The following KANK1 variants were observed in gnomAD, a reference collection of about 807,000 sequenced individuals.
KANK1 encodes the protein KN motif and ankyrin repeat domain-containing protein 1.
KANK1 carries 109 observed loss-of-function variants against 106.2 expected under a neutral mutation model. The ratio of observed to expected loss-of-function variants is 1.03; its 90% confidence interval spans 0.88 to 1.20. The LOEUF (loss-of-function observed/expected upper bound fraction) is 1.20, where lower values mean the gene tolerates loss of function less well. KANK1 is among the 50% of genes most tolerant of loss of function. The pLI, the probability that KANK1 is intolerant of heterozygous loss-of-function variation, is 0.00. For synonymous variants in KANK1, 873 were observed against 652.2 expected, an observed-to-expected ratio of 1.34 and a Z score of -5.16; for missense variants, 2,399 against 1,710.7, an observed-to-expected ratio of 1.40 and a Z score of -7.10.
intron 2 of KANK1, among the ~76,000 whole-genome samples, chr9:679,883 C>G (rs988079463): frequency 2.0e-5 from 3 of 152,022 alleles, no homozygotes; most frequent in African/African-American, 7.3e-5. Context: ...TTTACCTTTT[C>G]CCACTTTGTA....
intron 1 of KANK1, among the ~76,000 whole-genome samples, chr9:597,992 G>A: frequency 6.6e-6 from 1 of 151,620 alleles, no homozygotes; most frequent in Non-Finnish European, 1.5e-5. Flanking sequence ...AAGAAGTTAT[G>A]CTTTTATTTT....
intron 1 of KANK1, among the ~76,000 whole-genome samples, chr9:647,057 G>C (rs541002533): frequency 9.3e-5 from 14 of 150,944 alleles, no homozygotes; most frequent in Non-Finnish European, 1.9e-4. Context: ...TGAGTTACTA[G>C]GCCTTCCAGA....
At chr9:579,647 G>A (rs543629048) in intron 1 of KANK1, among the ~76,000 whole-genome samples, 2 of 152,246 alleles carry the variant, frequency 1.3e-5, no homozygotes, top group East Asian at 3.9e-4. Flanking sequence ...CATGGTGGGG[G>A]AGGTAGGTGG....
At position 486,847 on chromosome 9, in the gene KANK1, C is replaced by T. The variant is rs141875871; in HGVS notation, c.-362+13574C>T. 9.2e-3 allele frequency among the ~76,000 whole-genome samples: 1,394 copies of T among 152,270 alleles called. 19 individuals are homozygous for T. Among genetic ancestry groups the T allele is most frequent in the Middle Eastern group, 0.037 (11 of 294 alleles). ...TCATAAACTTCTGTGCTTCTTACAA[C>T]TTTGTTCTGCTCTTCTAAACACAGT... On this transcript the variant is annotated intron_variant, in intron 3 of 15. Coordinates refer to the KANK1 transcript ENST00000382303.
intron 1 of KANK1, among the ~76,000 whole-genome samples, chr9:541,826 A>C (rs1156832817): frequency 2.0e-5 from 3 of 152,218 alleles, no homozygotes; most frequent in Non-Finnish European, 4.4e-5. Flanking sequence ...GCGGTGGCTC[A>C]CGCCTGTAAT....
chr9:636,956 G>T (rs1357053372), intron 1 of KANK1, among the ~76,000 whole-genome samples: 3 of 152,194 alleles, frequency 2.0e-5, no homozygotes, highest in Non-Finnish European at 4.4e-5. Flanking sequence ...AGCCACTTTA[G>T]ACTTTGCCAG....
intron 1 of KANK1, among the ~76,000 whole-genome samples, chr9:575,837 A>C (rs578146484): frequency 5.8e-4 from 88 of 152,336 alleles, no homozygotes; most frequent in Non-Finnish European, 1.1e-3. Context: ...AGCCTGGTCA[A>C]CATGGTGAAA....
At chr9:557,234 C>G (rs531694333) in intron 1 of KANK1, among the ~76,000 whole-genome samples, 1 of 150,326 alleles carries the variant, frequency 6.7e-6, no homozygotes, top group Non-Finnish European at 1.5e-5. Flanking sequence ...TAAATGCACA[C>G]TGATGTTCTT....
At chr9:725,376 C>G (rs1036379854) in intron 3 of KANK1, among the ~76,000 whole-genome samples, 1 of 151,878 alleles carries the variant, frequency 6.6e-6, no homozygotes, top group Non-Finnish European at 1.5e-5. Flanking sequence ...ACCTGTAGCC[C>G]CAGCTACTTG....
At chr9:743,462 T>TGATTTTACTTCTA (rs1836254760) in intron 10 of KANK1, among the ~76,000 whole-genome samples, 2 of 152,210 alleles carry the variant, frequency 1.3e-5, no homozygotes, top group African/African-American at 2.4e-5. Flanking sequence ...GGTTTTTGTT[T>TGATTTTACTTCTA]GATTTTACTT....
intron 2 of KANK1, among the ~76,000 whole-genome samples, chr9:691,388 T>TTG: frequency 6.6e-6 from 1 of 150,726 alleles, no homozygotes; most frequent in East Asian, 1.9e-4. Flanking sequence ...AGTTTTAAAA[T>TTG]TGTATGTGTG....
chr9:602,292 G>C (rs545337319), intron 1 of KANK1, among the ~76,000 whole-genome samples: 1 of 151,202 alleles, frequency 6.6e-6, no homozygotes, highest in Non-Finnish European at 1.5e-5. Flanking sequence ...ACGGAGTCTC[G>C]CTCTGTTGCC....
chr9:628,951 G>A (rs1382515403), intron 1 of KANK1, among the ~76,000 whole-genome samples: 1 of 135,056 alleles, frequency 7.4e-6, no homozygotes, highest in African/African-American at 3.4e-5. Flanking sequence ...ATGGTGATGG[G>A]CGCCTGTAAT....
intron 1 of KANK1, among the ~76,000 whole-genome samples, chr9:659,239 A>G (rs1399938830): frequency 1.3e-5 from 2 of 152,214 alleles, no homozygotes; most frequent in Non-Finnish European, 2.9e-5. Flanking sequence ...ATCCCTAGGT[A>G]TCATTTTCTT....
intron 1 of KANK1, among the ~76,000 whole-genome samples, chr9:653,892 G>C (rs1841482110): frequency 6.6e-6 from 1 of 152,120 alleles, no homozygotes; most frequent in Non-Finnish European, 1.5e-5. Flanking sequence ...GTAAAATTAT[G>C]TAATACTTTT....
chr9:730,279 C>G, intron 4 of KANK1, 31 bp downstream of exon 4: 1 of 1,604,956 alleles, frequency 6.2e-7, no homozygotes, highest in Non-Finnish European at 8.5e-7. Context: ...TCATTGGCAT[C>G]AGGATTCTAG....
intron 1 of KANK1, among the ~76,000 whole-genome samples, chr9:665,978 G>C (rs9407348): frequency 0.2 from 30,600 of 151,980 alleles, 3,237 homozygotes; most frequent in East Asian, 0.32. Context: ...CCAGGAGTTT[G>C]AGGCCAGCCT....
intron 1 of KANK1, among the ~76,000 whole-genome samples, chr9:620,471 C>T (rs746297017): frequency 4.7e-5 from 7 of 149,456 alleles, no homozygotes; most frequent in Non-Finnish European, 7.4e-5. Context: ...GGCGTGATTT[C>T]GGCTCACGGC....
At chr9:530,324 C>T (rs146654698) in intron 1 of KANK1, among the ~76,000 whole-genome samples, 67 of 152,156 alleles carry the variant, frequency 4.4e-4, no homozygotes, top group Non-Finnish European at 8.2e-4. Context: ...TTTAAAATGT[C>T]CAGGGTTTCT....
Sources: gnomAD v4.1 joint callset for allele counts (sites outside exome capture counted in the v4.1 genomes callset) on GRCh38, gnomAD v4.1.1 for gene constraint, MANE v1.5 for transcripts, NCBI Gene and HGNC (gene_info 2026-07-23, HGNC 2026-07-21) for gene names.